The following EPAS1 variants were observed in gnomAD, a reference collection of about 807,000 sequenced individuals.
EPAS1 encodes endothelial PAS domain-containing protein 1.
Under a neutral mutation model 87.9 loss-of-function variants are expected in EPAS1, and 23 were observed. That is an observed-to-expected ratio of 0.26 (90% confidence interval 0.19 to 0.37). The LOEUF (loss-of-function observed/expected upper bound fraction) is 0.37, where lower values mean the gene tolerates loss of function less well. Among genes scored for constraint, EPAS1 ranks in the 10% least tolerant of loss-of-function variants. The pLI, the probability that EPAS1 is intolerant of heterozygous loss-of-function variation, is 1.00. For synonymous variants in EPAS1, 508 were observed against 444.3 expected (o/e 1.14, Z -1.80); for missense variants, 1,138 against 1,120.7 (o/e 1.02, Z -0.22).
chr2:46,329,069 A>G (rs1033323311), intron 1 of EPAS1, among the ~76,000 whole-genome samples: 3 of 152,258 alleles, frequency 2.0e-5, no homozygotes, highest in Non-Finnish European at 2.9e-5. Flanking sequence ...CAGCAAAGAA[A>G]AAGTCTTAAG....
At position 46,347,375 on chromosome 2, in the gene EPAS1, C is replaced by A; in HGVS notation, c.217+312C>A. 4.5e-6 allele frequency: 2 copies of A among 447,858 alleles called. No individual in the cohort carries two copies. The highest frequency in any genetic ancestry group is 8.3e-6 in the Non-Finnish European group (2 of 240,478). The allele number at this position is 447,858 out of a possible 1,614,324, so 27.7% of individuals were successfully genotyped here. ...TTTTGCTGACTTCTCAATTTGTTGC[C>A]ATCTGGCCATAAGACCCATCCTCCA... On this transcript the variant is annotated intron_variant, in intron 2 of 15. Transcript: ENST00000263734. The surrounding 1 kb of genome is among the most constrained non-coding windows in gnomAD (Gnocchi z 4.2).
At chr2:46,328,512 T>C (rs1478078223) in intron 1 of EPAS1, among the ~76,000 whole-genome samples, 1 of 152,244 alleles carries the variant, frequency 6.6e-6, no homozygotes, top group Non-Finnish European at 1.5e-5. Context: ...CAGTCAGTGA[T>C]GGCCTGGTTT....
chr2:46,376,741 T>G lies in EPAS1; in HGVS notation c.1237T>G (p.Ser413Ala). 6.2e-7 allele frequency: 1 copy of G among 1,612,182 alleles called. No individual in the cohort carries two copies. The highest frequency in any genetic ancestry group is 1.3e-5 in the African/African-American group (1 of 74,918). Residue 413 changes from serine (S) to alanine (A), a missense_variant, in exon 9 of 16, where the codon TCT (serine) becomes GCT (alanine). Physicochemically the swap from Ser to Ala is moderately conservative, Grantham distance 99 (BLOSUM62 1). Transcript: ENST00000263734. Reference sequence around the variant, plus strand: ...TCCCACCCCAGGAGACGCCATCATCTCTCTGGATTTCGGTGGGTGCTTCTT... The same window carrying G: ...TCCCACCCCAGGAGACGCCATCATCGCTCTGGATTTCGGTGGGTGCTTCTT... Reference protein sequence around the residue: ...LAPTPGDAIISLDFGNQNFEE... With the variant: ...LAPTPGDAIIALDFGNQNFEE...
intron 1 of EPAS1, among the ~76,000 whole-genome samples, chr2:46,318,719 G>A (rs1405628281): frequency 4.6e-5 from 7 of 152,132 alleles, no homozygotes; most frequent in African/African-American, 1.7e-4. Flanking sequence ...TGTTGTAGCA[G>A]AACTACTTGT....
intron 1 of EPAS1, among the ~76,000 whole-genome samples, chr2:46,315,770 G>C (rs1558584614): frequency 6.6e-6 from 1 of 152,242 alleles, no homozygotes; most frequent in Non-Finnish European, 1.5e-5. Context: ...GGGGTGCTCT[G>C]GGCTCTGAGG....
chr2:46,302,698 T>G lies in EPAS1; in HGVS notation c.26+4761T>G, dbSNP rs140062508. Among the ~76,000 whole-genome samples, 25 of 136,428 alleles carry G rather than the reference T, an allele frequency of 1.8e-4. No individual in the cohort carries two copies. The East Asian group carries it at 5.4e-3, about 30-fold the overall frequency. 89.5% of individuals were successfully genotyped at this position (136,428 alleles called of 152,430 possible). A position where few individuals can be genotyped will look rare whatever the true frequency, so the allele number is the denominator to read the frequency against. On this transcript the variant is annotated intron_variant, in intron 1 of 15. Coordinates refer to ENST00000263734, the MANE Select transcript of EPAS1 (RefSeq NM_001430.5). Reference sequence around the variant, plus strand: ...GAAGAGAATACTAAGAAATAGGGGATATGGTCCTGGTCATCAAGTTGCTTA... The same window carrying G: ...GAAGAGAATACTAAGAAATAGGGGAGATGGTCCTGGTCATCAAGTTGCTTA...
intron 1 of EPAS1, among the ~76,000 whole-genome samples, chr2:46,341,499 C>T (rs1171523652): frequency 1.3e-5 from 2 of 152,194 alleles, no homozygotes; most frequent in Non-Finnish European, 2.9e-5. Context: ...TTCTGTGTGG[C>T]ATCTATTTCA....
intron 1 of EPAS1, among the ~76,000 whole-genome samples, chr2:46,304,726 C>G (rs1683074554): frequency 6.6e-6 from 1 of 152,180 alleles, no homozygotes; most frequent in Admixed American, 6.5e-5. Flanking sequence ...ATTACTTCAG[C>G]CTTCGGACTC....
rs1033597095 is a variant in EPAS1, at chr2:46,347,261, G to T, written c.217+198G>T. ...AGCAGTGACCTTTACCGTGAATCCAGCTGTGAGAGGAGGGCAGGGACAGGA... is the reference window on the plus strand; with the variant it reads ...AGCAGTGACCTTTACCGTGAATCCATCTGTGAGAGGAGGGCAGGGACAGGA... On this transcript the variant is annotated intron_variant, in intron 2 of 15. Coordinates refer to ENST00000263734, the MANE Select transcript of EPAS1 (RefSeq NM_001430.5). The surrounding 1 kb of genome is among the most constrained non-coding windows in gnomAD (Gnocchi z 4.2). The T allele has an allele frequency of 1.8e-5, 12 of 666,694 alleles. No individual in the cohort carries two copies. In the East Asian group the frequency reaches 3.3e-4, roughly 18 times the overall value. The allele number at this position is 666,694 out of a possible 1,614,324, so 41.3% of individuals were successfully genotyped here.
chr2:46,305,585 A>G (rs1377196419), intron 1 of EPAS1, among the ~76,000 whole-genome samples: 1 of 152,192 alleles, frequency 6.6e-6, no homozygotes, highest in Admixed American at 6.5e-5. Context: ...GTGTCTTGTC[A>G]ATGAGAAAAA....
intron 9 of EPAS1, among the ~76,000 whole-genome samples, chr2:46,377,214 T>C (rs1677034890): frequency 6.6e-6 from 1 of 152,122 alleles, no homozygotes; most frequent in African/African-American, 2.4e-5. Context: ...ACAGAGAACA[T>C]ATTGAGGCCT....
intron 6 of EPAS1, among the ~76,000 whole-genome samples, chr2:46,365,488 G>A (rs537930105): frequency 2.0e-5 from 3 of 152,290 alleles, no homozygotes; most frequent in Middle Eastern, 3.4e-3. Context: ...TGAGGGAAAC[G>A]TTGAGGATCC....
intron 1 of EPAS1, among the ~76,000 whole-genome samples, chr2:46,317,018 T>C (rs1339179883): frequency 1.3e-5 from 2 of 152,246 alleles, no homozygotes; most frequent in Non-Finnish European, 2.9e-5. Flanking sequence ...AAGCTCTGAC[T>C]CATCTGTTCA....
At chr2:46,314,965 C>G (rs1027595800) in intron 1 of EPAS1, among the ~76,000 whole-genome samples, 1 of 152,098 alleles carries the variant, frequency 6.6e-6, no homozygotes, top group African/African-American at 2.4e-5. Flanking sequence ...TCTCCTGATG[C>G]CAGGGAGAAG....
At chr2:46,355,132 CT>C (rs1445352649) in intron 2 of EPAS1, among the ~76,000 whole-genome samples, 1 of 152,182 alleles carries the variant, frequency 6.6e-6, no homozygotes, top group Non-Finnish European at 1.5e-5. Flanking sequence ...AGCTTTGCAT[CT>C]CTGAGTGCTA....
At chr2:46,358,644 C>T (rs1684319604) in intron 4 of EPAS1, among the ~76,000 whole-genome samples, 1 of 152,226 alleles carries the variant, frequency 6.6e-6, no homozygotes, top group South Asian at 2.1e-4. Flanking sequence ...CCTTTCAGTT[C>T]TCAAGTGCCA....
At chr2:46,340,886 C>G (rs1417347441) in intron 1 of EPAS1, among the ~76,000 whole-genome samples, 1 of 152,080 alleles carries the variant, frequency 6.6e-6, no homozygotes, top group Non-Finnish European at 1.5e-5. Flanking sequence ...CCGTGCCCAG[C>G]TAATTTCTAA....
At chr2:46,372,709 G>A (rs1251279243) in intron 7 of EPAS1, among the ~76,000 whole-genome samples, 1 of 152,176 alleles carries the variant, frequency 6.6e-6, no homozygotes, top group Non-Finnish European at 1.5e-5. Context: ...GAAAGCTGGC[G>A]TTAATTATAT....
chr2:46,370,263 C>G (rs927430144), intron 7 of EPAS1, among the ~76,000 whole-genome samples: 6 of 152,212 alleles, frequency 3.9e-5, no homozygotes, highest in African/African-American at 1.4e-4. Context: ...GTTTGCACAC[C>G]TTGTGGAACA....
Sources: gnomAD v4.1 joint callset for allele counts (sites outside exome capture counted in the v4.1 genomes callset) on GRCh38, gnomAD v4.1.1 for gene constraint, Gnocchi (gnomAD v3.1) non-coding constraint, MANE v1.5 for transcripts, NCBI Gene and HGNC (gene_info 2026-07-23, HGNC 2026-07-21) for gene names.